The following TSBP1 variants were observed in gnomAD, a reference collection of about 807,000 sequenced individuals.
TSBP1 encodes testis-expressed basic protein 1.
In TSBP1, 56 loss-of-function variants were observed where a neutral mutation model predicts 68.8. That is an observed-to-expected ratio of 0.81 (90% confidence interval 0.66 to 1.02). The LOEUF (loss-of-function observed/expected upper bound fraction) is 1.02, where lower values mean the gene tolerates loss of function less well. Among genes scored for constraint, TSBP1 ranks in the 50% least tolerant of loss-of-function variants. TSBP1 has a pLI of 0.00. For missense variants in TSBP1, 502 were observed against 641.2 expected (o/e 0.78, Z 2.34); for synonymous variants, 171 against 208.7 (o/e 0.82, Z 1.56).
At chr6:32,358,414 TTC>T (rs1276802105) in intron 6 of TSBP1, among the ~76,000 whole-genome samples, 1 of 152,236 alleles carries the variant, frequency 6.6e-6, no homozygotes, top group African/African-American at 2.4e-5. Flanking sequence ...ATTCCTTGAT[TTC>T]TTTTTATTAT....
intron 9 of TSBP1, among the ~76,000 whole-genome samples, chr6:32,342,054 T>TC (rs1402513969): frequency 7.7e-6 from 1 of 129,522 alleles, no homozygotes; most frequent in Non-Finnish European, 1.8e-5. Flanking sequence ...TGTGTTCTTT[T>TC]TTTTTTTTTT....
intron 16 of TSBP1, 108 bp from the exon 18 acceptor site, chr6:32,323,722 T>C: frequency 1.1e-6 from 1 of 913,774 alleles, no homozygotes; most frequent in Admixed American, 2.3e-5. Flanking sequence ...GGGAAAACTT[T>C]CCCTTTGGTA....
At chr6:32,353,392 T>G (rs114928941) in intron 8 of TSBP1, among the ~76,000 whole-genome samples, 3,985 of 152,022 alleles carry the variant, frequency 0.026, 127 homozygotes, top group East Asian at 0.15. Context: ...GCAAAAGACA[T>G]GCAAGACCTT....
At chr6:32,293,922 C>T in exon 23 of TSBP1, 12 of 1,612,766 alleles carry the variant, frequency 7.4e-6, no homozygotes, top group Non-Finnish European at 9.3e-6. Flanking sequence ...TTTAGTGCTT[C>T]CTTGTTTTCT....
rs772680552 is a variant in TSBP1 at position 32,321,271 on chromosome 6, G to A, written c.559+1846C>T. 5.2e-4 allele frequency among the ~76,000 whole-genome samples: 79 copies of A among 152,116 alleles called. No homozygotes were observed. Among genetic ancestry groups the A allele is most frequent in the African/African-American group, 1.8e-3 (74 of 41,510 alleles). On this transcript the variant is annotated intron_variant, in intron 18 of 22. Transcript: ENST00000612031. This position sits in a 1 kb window ranked among gnomAD's most constrained non-coding sequence, Gnocchi z 4.3. The stretch of plus-strand genomic sequence containing the variant: ...TGGTATAATCCCTAGTTACTTTTGC[G>A]TGCTTTTTTTCATCCCCTCTACTAG...
chr6:32,315,586 T>G lies in TSBP1; in HGVS notation c.580+186A>C, dbSNP rs902414442. On this transcript the variant is annotated intron_variant, in intron 19 of 22. Coordinates refer to ENST00000612031, the Ensembl canonical transcript of TSBP1. The surrounding 1 kb of genome is among the most constrained non-coding windows in gnomAD (Gnocchi z 5.4). ...CAAAACAAAACAAAACAAAAAAACC[T>G]AAATAATGGGAAATATTACAGTTAT... 1.3e-5 allele frequency among the ~76,000 whole-genome samples: 2 copies of G among 152,080 alleles called. No individual in the cohort carries two copies. The highest frequency in any genetic ancestry group is 2.9e-5 in the Non-Finnish European group (2 of 67,984).
chr6:32,323,675 G>A, intron 16 of TSBP1, 61 bp from the exon 18 acceptor site: 1 of 1,513,320 alleles, frequency 6.6e-7, no homozygotes, highest in African/African-American at 1.4e-5. Context: ...TCCTTTCTAT[G>A]TAGAGAGTTT....
At chr6:32,309,837 A>T (rs1008203828) in intron 19 of TSBP1, among the ~76,000 whole-genome samples, 1 of 152,180 alleles carries the variant, frequency 6.6e-6, no homozygotes, top group Non-Finnish European at 1.5e-5. Flanking sequence ...CAAATATTAG[A>T]TCTTATCCAT....
At chr6:32,310,502 G>A (rs1183814052) in intron 19 of TSBP1, among the ~76,000 whole-genome samples, 4 of 151,382 alleles carry the variant, frequency 2.6e-5, no homozygotes, top group African/African-American at 9.7e-5. Flanking sequence ...ATTTTGAGCT[G>A]AGATTTTCAA....
chr6:32,370,071 G>A, intron 1 of TSBP1, 88 bp from the exon 2 acceptor site: 2 of 767,742 alleles, frequency 2.6e-6, no homozygotes. Flanking sequence ...CTATCCACCA[G>A]ATAGACTTTT....
intron 10 of TSBP1, 113 bp from the exon 12 acceptor site, chr6:32,339,112 C>G: frequency 1.1e-6 from 1 of 877,936 alleles, no homozygotes. Context: ...GGAAAGGCAG[C>G]AAGAAGGTAA....
intron 8 of TSBP1, chr6:32,352,928 T>G (rs1412874809): frequency 6.6e-6 from 1 of 151,802 alleles, no homozygotes; most frequent in Non-Finnish European, 1.5e-5. Flanking sequence ...CAGAGAAGAT[T>G]AGCGTGGCCC....
rs1583104716 is a variant in TSBP1, at chr6:32,340,933, T to G, written c.350-1295A>C. Among the ~76,000 whole-genome samples, 1 of 152,058 alleles carries G rather than the reference T, an allele frequency of 6.6e-6. No homozygotes were observed. Among genetic ancestry groups the G allele is most frequent in the African/African-American group, 2.4e-5 (1 of 41,410 alleles). ...GCCTCAGCCTCCTGAGTAGCTGGGA[T>G]TACAGGCATGTGCCACCACGCCCAG... On this transcript the variant is annotated intron_variant, in intron 9 of 22. Coordinates refer to ENST00000612031, the Ensembl canonical transcript of TSBP1. This position sits in a 1 kb window ranked among gnomAD's most constrained non-coding sequence, Gnocchi z 4.8.
chr6:32,339,909 A>G (rs1198669973), intron 9 of TSBP1, among the ~76,000 whole-genome samples: 1 of 152,238 alleles, frequency 6.6e-6, no homozygotes, highest in Non-Finnish European at 1.5e-5. Context: ...ATCAGGAGTA[A>G]TAACAGAAGG....
At chr6:32,330,604 A>G in exon 16 of TSBP1, 9 of 1,603,468 alleles carry the variant, frequency 5.6e-6, no homozygotes, top group Non-Finnish European at 7.7e-6. Flanking sequence ...GATCCAGGAT[A>G]TTGTACTAAA....
At chr6:32,309,975 C>A (rs1766216153) in intron 19 of TSBP1, among the ~76,000 whole-genome samples, 1 of 152,110 alleles carries the variant, frequency 6.6e-6, no homozygotes, top group Admixed American at 6.6e-5. Flanking sequence ...ATTTTTAGTT[C>A]CCACAAATGA....
intron 19 of TSBP1, among the ~76,000 whole-genome samples, chr6:32,310,231 G>A (rs756313452): frequency 1.4e-5 from 2 of 146,886 alleles, no homozygotes; most frequent in Admixed American, 6.9e-5. Flanking sequence ...AGCTTACTAC[G>A]ATGAGTTTTG....
intron 18 of TSBP1, 117 bp downstream of exon 19, chr6:32,323,000 A>T: frequency 1.4e-6 from 1 of 713,372 alleles, no homozygotes; most frequent in South Asian, 2.2e-5. Context: ...AAAAAATTAT[A>T]GGGCAAGCAG....
intron 19 of TSBP1, among the ~76,000 whole-genome samples, chr6:32,305,529 T>C (rs1327619545): frequency 6.6e-6 from 1 of 152,244 alleles, no homozygotes; most frequent in African/African-American, 2.4e-5. Flanking sequence ...TACCTACTTA[T>C]ATAAATAAAA....
Sources: allele counts gnomAD v4.1 joint callset (sites outside exome capture counted in the v4.1 genomes callset), GRCh38; gene constraint gnomAD v4.1.1; non-coding constraint Gnocchi (gnomAD v3.1); transcripts MANE v1.5; gene names NCBI Gene and HGNC (gene_info 2026-07-23, HGNC 2026-07-21).